ZNF100: variants seen among roughly 807,000 people sequenced by gnomAD.
ZNF100 encodes the protein zinc finger protein 100.
Under a neutral mutation model 15.8 loss-of-function variants are expected in ZNF100, and 12 were observed. That is an observed-to-expected ratio of 0.76 (90% confidence interval 0.49 to 1.23). The LOEUF (loss-of-function observed/expected upper bound fraction) is 1.23, where lower values mean the gene tolerates loss of function less well. Ranked by LOEUF, ZNF100 falls within the 50% of genes most tolerant of loss-of-function variation. ZNF100 has a pLI of 0.00. For missense variants in ZNF100, 670 were observed against 635.6 expected, an observed-to-expected ratio of 1.05 and a Z score of -0.58; for synonymous variants, 226 against 214.8, an observed-to-expected ratio of 1.05 and a Z score of -0.45.
At chr19:21,743,237 AC>A (rs2036150664) in intron 4 of ZNF100, 1 of 152,246 alleles carries the variant, frequency 6.6e-6, no homozygotes, top group South Asian at 2.1e-4. Context: ...AAAAAACAAA[AC>A]AAAACAAAAA....
intron 4 of ZNF100, among the ~76,000 whole-genome samples, chr19:21,735,305 T>C (rs550778273): frequency 2.0e-5 from 3 of 152,116 alleles, no homozygotes; most frequent in Non-Finnish European, 2.9e-5. Context: ...CCATCTTAGC[T>C]AACACGGTGA....
In ZNF100 at chr19:21,726,996, T is replaced by C. The variant is rs772382628; in HGVS notation, c.1316A>G (p.Asn439Ser). The change falls in exon 5 of 5, where the codon AAT (asparagine) becomes AGT (serine). Residue 439 changes from asparagine to serine, a missense_variant. Asn to Ser is a conservative substitution (Grantham distance 46). Transcript: ENST00000358296. ...YKCEECGKAF[N>S]ESSNLTTHKM... ...ATGGGTAGTAAGGTTTGAGGACTCATTAAAAGCTTTGCCACATTCTTCACA... is the reference window on the plus strand; with the variant it reads ...ATGGGTAGTAAGGTTTGAGGACTCACTAAAAGCTTTGCCACATTCTTCACA... 9 of 1,613,426 alleles carry C rather than the reference T, an allele frequency of 5.6e-6. No individual in the cohort carries two copies. The highest frequency in any genetic ancestry group is 1.7e-5 in the Admixed American group (1 of 59,958).
At position 21,727,849 on chromosome 19, in the gene ZNF100, A is replaced by G. The variant is rs1191718470; in HGVS notation, c.463T>C (p.Cys155Arg). Residue 155 changes from cysteine (C) to arginine (R), a missense_variant, in exon 5 of 5, where the codon TGT (cysteine) becomes CGT (arginine). Transcript: ENST00000358296. The part of the protein sequence containing the change: ...LQKGCKSVDE[C>R]KVHKEHDNKL... ...TTATCATGTTCTTTGTGCACTTTAC[A>G]CTCATCCACACTTTTACAGCCTTTT... The G allele has an allele frequency of 1.2e-6, 2 of 1,612,126 alleles. No homozygotes were observed. Among genetic ancestry groups the G allele is most frequent in the Admixed American group, 3.3e-5 (2 of 59,744 alleles).
At chr19:21,745,178 A>C (rs963175005) in intron 2 of ZNF100, 111 bp from the exon 3 acceptor site, 2 of 1,456,642 alleles carry the variant, frequency 1.4e-6, no homozygotes, top group Non-Finnish European at 1.8e-6. Context: ...GTTCTGATTA[A>C]TAGAAATGAC....
chr19:21,724,964 T>C lies in ZNF100; in HGVS notation c.*1719A>G, dbSNP rs1280941882. On this transcript the variant is annotated 3_prime_UTR_variant, in exon 5 of 5. Coordinates refer to ENST00000358296, the MANE Select transcript of ZNF100 (RefSeq NM_173531.4). ...TACTTAGGAGGCTGAGGCAGGAGAA[T>C]TGCGTGAACCCAGGAGGTGGAGGTT... 2 of 152,126 alleles carry C rather than the reference T, an allele frequency of 1.3e-5. No individual in the cohort carries two copies. The highest frequency in any genetic ancestry group is 6.6e-5 in the Admixed American group (1 of 15,262). The allele number at this position is 152,126 out of a possible 1,614,324, so 9.4% of individuals were successfully genotyped here.
Position 21,740,874 on chromosome 19 carries a change from A to C in ZNF100, c.322+3143T>G, listed in dbSNP as rs536684166. 3.9e-5 allele frequency among the ~76,000 whole-genome samples: 6 copies of C among 152,308 alleles called. No individual in the cohort carries two copies. In the East Asian group the frequency reaches 1.2e-3, roughly 29 times the overall value. On this transcript the variant is annotated intron_variant, in intron 4 of 4. Coordinates refer to ENST00000358296, the MANE Select transcript of ZNF100 (RefSeq NM_173531.4). ...AAATGTTACATTTCTCAAATAATTA[A>C]AAGTGGAATTATTATCAAATACAGC...
At position 21,725,908 on chromosome 19, in the gene ZNF100, A is replaced by G. The variant is rs932457516; in HGVS notation, c.*775T>C. 6.6e-6 allele frequency: 1 copy of G among 152,150 alleles called. No homozygotes were observed. Among genetic ancestry groups the G allele is most frequent in the Non-Finnish European group, 1.5e-5 (1 of 67,986 alleles). The allele number at this position is 152,150 out of a possible 1,614,324, so 9.4% of individuals were successfully genotyped here. On this transcript the variant is annotated 3_prime_UTR_variant, in exon 5 of 5. Transcript: ENST00000358296. ...AAAATTTTTAAAAAATTTTTCCTGT[A>G]TCTGCAAAAATATGTTTTAGTATGA...
Position 21,725,278 on chromosome 19 carries a change from T to TA in ZNF100, c.*1404dup, listed in dbSNP as rs34465504. ...GAATGCACAATAGTATTTAACATGT[T>TA]AAAAAGGTTGAATATATTAACATCA... On this transcript the variant is annotated 3_prime_UTR_variant, in exon 5 of 5. Coordinates refer to ENST00000358296, the MANE Select transcript of ZNF100 (RefSeq NM_173531.4). 6.6e-6 allele frequency: 1 copy of TA among 152,110 alleles called. No individual in the cohort carries two copies. The highest frequency in any genetic ancestry group is 1.5e-5 in the Non-Finnish European group (1 of 68,016). The allele number at this position is 152,110 out of a possible 1,614,324, so 9.4% of individuals were successfully genotyped here.
intron 2 of ZNF100, among the ~76,000 whole-genome samples, chr19:21,764,758 GT>G (rs1408764858): frequency 6.6e-6 from 1 of 151,794 alleles, no homozygotes; most frequent in Non-Finnish European, 1.5e-5. Flanking sequence ...CTTCTAAACA[GT>G]ACCGAGTTTC....
rs1163652047 is a variant in ZNF100 at position 21,723,687 on chromosome 19, C to T, written c.*2996G>A. 6.6e-6 allele frequency: 1 copy of T among 152,158 alleles called. No individual in the cohort carries two copies. The highest frequency in any genetic ancestry group is 1.5e-5 in the Non-Finnish European group (1 of 68,026). The allele number at this position is 152,158 out of a possible 1,614,324, so 9.4% of individuals were successfully genotyped here. On this transcript the variant is annotated 3_prime_UTR_variant, in exon 5 of 5. Coordinates refer to ENST00000358296, the MANE Select transcript of ZNF100 (RefSeq NM_173531.4). Reference sequence around the variant, plus strand: ...TCCATCTCTGAACTGAAGTTACAAGCTAACTTTAGCAGGAATACTTATGGC... The same window carrying T: ...TCCATCTCTGAACTGAAGTTACAAGTTAACTTTAGCAGGAATACTTATGGC...
rs1568282420 is a variant in ZNF100, at chr19:21,724,715, CATATT to C, written c.*1963_*1967del. 2 of 151,986 alleles carry C rather than the reference CATATT, an allele frequency of 1.3e-5. No individual in the cohort carries two copies. Among genetic ancestry groups the C allele is most frequent in the East Asian group, 1.9e-4 (1 of 5,190 alleles). 9.4% of individuals were successfully genotyped at this position (151,986 alleles called of 1,614,324 possible). On this transcript the variant is annotated 3_prime_UTR_variant, in exon 5 of 5. Transcript: ENST00000358296. The stretch of plus-strand genomic sequence containing the variant: ...GCCATATATTGCATGAATATATACT[CATATT>C]ATGTACCCCAAATAATTAAGAAAAA...
intron 4 of ZNF100, among the ~76,000 whole-genome samples, chr19:21,732,074 G>A (rs2035929627): frequency 6.6e-6 from 1 of 152,116 alleles, no homozygotes; most frequent in Admixed American, 6.6e-5. Flanking sequence ...AACACAGTGA[G>A]GCAAAAGAAT....
chr19:21,741,883 G>A (rs2036116143), intron 4 of ZNF100, among the ~76,000 whole-genome samples: 1 of 152,010 alleles, frequency 6.6e-6, no homozygotes, highest in Non-Finnish European at 1.5e-5. Flanking sequence ...TCCCTGTGTT[G>A]CCCTGGCTGG....
intron 2 of ZNF100, among the ~76,000 whole-genome samples, chr19:21,760,550 A>G (rs2036465970): frequency 1.3e-5 from 2 of 152,064 alleles, no homozygotes; most frequent in Non-Finnish European, 2.9e-5. Context: ...AAATCATTGT[A>G]TGCCACAGAG....
chr19:21,732,703 G>A (rs1320610907), intron 4 of ZNF100, among the ~76,000 whole-genome samples: 1 of 151,264 alleles, frequency 6.6e-6, no homozygotes, highest in Admixed American at 6.6e-5. Context: ...ATGCCATCAA[G>A]TAGATCAATA....
intron 2 of ZNF100, among the ~76,000 whole-genome samples, chr19:21,763,512 C>T (rs551717321): frequency 6.6e-6 from 1 of 152,248 alleles, no homozygotes; most frequent in East Asian, 1.9e-4. Flanking sequence ...ATCGCTTGAA[C>T]CTGGGAGGCA....
chr19:21,727,250 A>G lies in ZNF100; in HGVS notation c.1062T>C (p.Phe354=). 1.2e-6 allele frequency: 2 copies of G among 1,613,730 alleles called. 1 individual carries two copies. Among genetic ancestry groups the G allele is most frequent in the Non-Finnish European group, 1.7e-6 (2 of 1,179,932 alleles). ...GTGTAGTAAGGGTTGAGGACTGGTTAAAGGCTTTGCCACATTCTTCACATT... is the reference window on the plus strand; with the variant it reads ...GTGTAGTAAGGGTTGAGGACTGGTTGAAGGCTTTGCCACATTCTTCACATT... ...PYKCEECGKA[F]NQSSTLTTHK... is the part of the protein sequence containing the mutation. Residue 354 remains phenylalanine, a synonymous_variant, in exon 5 of 5, where the codon TTT becomes TTC. Transcript: ENST00000358296.
intron 1 of ZNF100, among the ~76,000 whole-genome samples, chr19:21,766,683 C>G (rs188186504): frequency 6.6e-6 from 1 of 152,252 alleles, no homozygotes; most frequent in Admixed American, 6.5e-5. Context: ...CTCTATGATT[C>G]TTGAATCACT....
intron 4 of ZNF100, among the ~76,000 whole-genome samples, chr19:21,733,905 C>G (rs1318950151): frequency 1.3e-5 from 2 of 152,252 alleles, no homozygotes; most frequent in African/African-American, 4.8e-5. Context: ...GGTGACACCT[C>G]CAGGTGTGGG....
Sources: gnomAD v4.1 joint callset for allele counts (sites outside exome capture counted in the v4.1 genomes callset) on GRCh38, gnomAD v4.1.1 for gene constraint, MANE v1.5 for transcripts, NCBI Gene and HGNC (gene_info 2026-07-23, HGNC 2026-07-21) for gene names.